RBFOX1: variants seen among roughly 807,000 people sequenced by gnomAD.
RBFOX1 encodes RNA binding protein fox-1 homolog 1.
Under a neutral mutation model 57.7 loss-of-function variants are expected in RBFOX1, and 8 were observed. That is an observed-to-expected ratio of 0.14 (90% CI 0.08 to 0.25). RBFOX1 has a LOEUF of 0.25. Among genes scored for constraint, RBFOX1 ranks in the 10% least tolerant of loss-of-function variants. The pLI is 1.00. For synonymous variants in RBFOX1, 326 were observed against 222.4 expected (o/e 1.47, Z -4.15); for missense variants, 611 against 548.5 (o/e 1.11, Z -1.14).
At chr16:5,383,653 A>T (rs2066185938) in intron 1 of RBFOX1, among the ~76,000 whole-genome samples, 1 of 152,204 alleles carries the variant, frequency 6.6e-6, no homozygotes, top group African/African-American at 2.4e-5. Context: ...TGAAACTTAG[A>T]AGTTGAATTT....
intron 1 of RBFOX1, among the ~76,000 whole-genome samples, chr16:6,085,456 A>C (rs562037461): frequency 4.0e-4 from 61 of 152,204 alleles, no homozygotes; most frequent in African/African-American, 1.3e-3. Flanking sequence ...ATTTTTATAG[A>C]GAGGGGGTTT....
chr16:7,569,894 A>T (rs1289899325), intron 5 of RBFOX1, among the ~76,000 whole-genome samples: 2 of 152,166 alleles, frequency 1.3e-5, no homozygotes, highest in African/African-American at 4.8e-5. Context: ...ACAGCTAGTG[A>T]ACTTGATTTA....
chr16:7,640,344 T>C (rs2143103927), intron 11 of RBFOX1, among the ~76,000 whole-genome samples: 2 of 152,366 alleles, frequency 1.3e-5, no homozygotes, highest in Non-Finnish European at 2.9e-5. Flanking sequence ...CTCTCTGTCA[T>C]TGCTTTCGTT....
chr16:7,305,863 A>T (rs1289341343), intron 4 of RBFOX1, among the ~76,000 whole-genome samples: 1 of 152,174 alleles, frequency 6.6e-6, no homozygotes, highest in African/African-American at 2.4e-5. Flanking sequence ...TTCCCAAGAG[A>T]GTATTGATAA....
At chr16:5,953,005 A>G (rs1444307948) in intron 4 of RBFOX1, among the ~76,000 whole-genome samples, 2 of 151,934 alleles carry the variant, frequency 1.3e-5, no homozygotes, top group Admixed American at 6.6e-5. Context: ...TGGAAATACA[A>G]TGGCAGCAGT....
chr16:6,638,462 G>A (rs78079950), intron 2 of RBFOX1, among the ~76,000 whole-genome samples: 2,689 of 152,106 alleles, frequency 0.018, 84 homozygotes, highest in African/African-American at 0.06. Flanking sequence ...CAAGGGCCAC[G>A]CATTGAGACT....
In RBFOX1 at chr16:5,467,351, G is replaced by T. The variant is rs1340894026; in HGVS notation, c.258+97G>T. ...TGCGTCACAGCCCTGCAACTTCACTGCCCAGGGCAGACATCTGTAATCAAC... is the reference window on the plus strand; with the variant it reads ...TGCGTCACAGCCCTGCAACTTCACTTCCCAGGGCAGACATCTGTAATCAAC... On this transcript the variant is annotated intron_variant, in intron 2 of 2. Transcript: ENST00000585867. 1.7e-5 allele frequency: 20 copies of T among 1,186,688 alleles called. No individual in the cohort carries two copies. The East Asian group carries it at 4.6e-4, about 27-fold the overall frequency. 73.5% of individuals were successfully genotyped at this position (1,186,688 alleles called of 1,614,324 possible). A position where few individuals can be genotyped will look rare whatever the true frequency, so the allele number is the denominator to read the frequency against.
At chr16:7,706,341 TGAG>T (rs2082430763) in intron 14 of RBFOX1, among the ~76,000 whole-genome samples, 1 of 152,242 alleles carries the variant, frequency 6.6e-6, no homozygotes, top group East Asian at 1.9e-4. Flanking sequence ...AGCTCATTTC[TGAG>T]GAGTAGTTCA....
intron 2 of RBFOX1, among the ~76,000 whole-genome samples, chr16:5,536,973 T>C (rs2044724805): frequency 6.6e-6 from 1 of 152,212 alleles, no homozygotes; most frequent in Admixed American, 6.5e-5. Flanking sequence ...GAACACACTC[T>C]GCTAAGCTTT....
At chr16:6,491,120 A>G (rs1438986002) in intron 2 of RBFOX1, among the ~76,000 whole-genome samples, 1 of 152,058 alleles carries the variant, frequency 6.6e-6, no homozygotes, top group South Asian at 2.1e-4. Context: ...AGTTATATCT[A>G]TAGTTAAGCT....
chr16:7,052,585 G>T (rs942978401), intron 4 of RBFOX1, among the ~76,000 whole-genome samples: 3 of 152,056 alleles, frequency 2.0e-5, no homozygotes, highest in Non-Finnish European at 1.5e-5. Flanking sequence ...TTGTGTATAT[G>T]GGAGAGGGAG....
intron 4 of RBFOX1, among the ~76,000 whole-genome samples, chr16:5,967,838 C>G (rs2059878369): frequency 6.6e-6 from 1 of 152,130 alleles, no homozygotes; most frequent in Non-Finnish European, 1.5e-5. Context: ...ATTCGGATAT[C>G]TGAAAGCAGG....
intron 3 of RBFOX1, among the ~76,000 whole-genome samples, chr16:6,670,801 T>C (rs944188889): frequency 6.6e-6 from 1 of 151,896 alleles, no homozygotes; most frequent in African/African-American, 2.4e-5. Context: ...ATCGAGACCA[T>C]CCTAGCTAAC....
chr16:6,108,512 T>A (rs1334657751), intron 1 of RBFOX1, among the ~76,000 whole-genome samples: 1 of 152,182 alleles, frequency 6.6e-6, no homozygotes, highest in African/African-American at 2.4e-5. Flanking sequence ...ATCATTTCCT[T>A]TATTATTAAA....
chr16:6,316,540 A>G (rs964783331), intron 1 of RBFOX1, among the ~76,000 whole-genome samples: 1 of 152,204 alleles, frequency 6.6e-6, no homozygotes, highest in Non-Finnish European at 1.5e-5. Context: ...ATTTCATCCA[A>G]GCTAATTCCT....
rs1304021684 is a variant in RBFOX1, at chr16:7,649,983, GC to G, written c.758-3831del. ...AGGAAGAAGAGGGAGAGGAAGAAGA[GC>G]GAGGGGAGAAAGGAAAAGGAGGAGG... is the stretch of plus-strand genomic sequence containing the variant. On this transcript the variant is annotated intron_variant, in intron 11 of 15. Coordinates refer to ENST00000550418, the MANE Select transcript of RBFOX1 (RefSeq NM_018723.4). Among the ~76,000 whole-genome samples, 11 of 93,286 alleles carry G rather than the reference GC, an allele frequency of 1.2e-4. 1 individual carries two copies. Among genetic ancestry groups the G allele is most frequent in the African/African-American group, 1.8e-4 (5 of 27,510 alleles). 61.2% of individuals were successfully genotyped at this position (93,286 alleles called of 152,430 possible). A position where few individuals can be genotyped will look rare whatever the true frequency, so the allele number is the denominator to read the frequency against.
intron 2 of RBFOX1, among the ~76,000 whole-genome samples, chr16:6,404,028 G>T (rs888377073): frequency 6.6e-6 from 1 of 152,106 alleles, no homozygotes; most frequent in African/African-American, 2.4e-5. Flanking sequence ...AGAAATCTGA[G>T]AGTGTAAATT....
intron 4 of RBFOX1, among the ~76,000 whole-genome samples, chr16:7,348,706 C>G (rs772558950): frequency 6.6e-5 from 10 of 152,212 alleles, no homozygotes; most frequent in Non-Finnish European, 1.3e-4. Flanking sequence ...CTTTGGGAGG[C>G]TGAGGATGGC....
At chr16:6,721,430 G>A (rs1188541873) in intron 3 of RBFOX1, among the ~76,000 whole-genome samples, 1 of 152,276 alleles carries the variant, frequency 6.6e-6, no homozygotes. Context: ...GGGACAGAGC[G>A]AGACTCTGTC....
Sources: gnomAD v4.1 joint callset for allele counts (sites outside exome capture counted in the v4.1 genomes callset) on GRCh38, gnomAD v4.1.1 for gene constraint, MANE v1.5 for transcripts, NCBI Gene and HGNC (gene_info 2026-07-23, HGNC 2026-07-21) for gene names.